The following ADGRL3 variants were observed in gnomAD, a reference collection of about 807,000 sequenced individuals.
ADGRL3 encodes calcium-independent alpha-latrotoxin receptor 3.
In ADGRL3, 62 loss-of-function variants were observed where a neutral mutation model predicts 153.5. The ratio of observed to expected loss-of-function variants is 0.40; its 90% CI spans 0.33 to 0.50. The LOEUF (loss-of-function observed/expected upper bound fraction) is 0.50. Among genes scored for constraint, ADGRL3 ranks in the 20% least tolerant of loss-of-function variants. The pLI is 0.47. For missense variants in ADGRL3, 1,641 were observed against 1,859.4 expected, an observed-to-expected ratio of 0.88 and a Z score of 2.16; for synonymous variants, 710 against 672.5, an observed-to-expected ratio of 1.06 and a Z score of -0.86.
chr4:61,509,581 T>G (rs2098451898), intron 3 of ADGRL3, among the ~76,000 whole-genome samples: 1 of 152,092 alleles, frequency 6.6e-6, no homozygotes, highest in Non-Finnish European at 1.5e-5. Context: ...ATTTCATTAT[T>G]TTTTATGGCT....
chr4:61,592,149 G>A (rs1462130354), intron 5 of ADGRL3, among the ~76,000 whole-genome samples: 1 of 151,306 alleles, frequency 6.6e-6, no homozygotes, highest in Admixed American at 6.6e-5. Flanking sequence ...CATATCAATA[G>A]CACTGAAGGT....
At chr4:61,310,838 G>A (rs187557288) in intron 1 of ADGRL3, among the ~76,000 whole-genome samples, 1 of 151,262 alleles carries the variant, frequency 6.6e-6, no homozygotes, top group East Asian at 2.0e-4. Context: ...CTGAGTGCTT[G>A]TGGACCCTAT....
chr4:61,795,848 C>CT (rs754736111), intron 8 of ADGRL3, among the ~76,000 whole-genome samples: 11 of 152,138 alleles, frequency 7.2e-5, no homozygotes, highest in Non-Finnish European at 1.5e-4. Flanking sequence ...TATCCTACTT[C>CT]TTTTTGTTTC....
intron 23 of ADGRL3, among the ~76,000 whole-genome samples, chr4:62,034,197 A>T (rs962855682): frequency 2.6e-5 from 4 of 151,822 alleles, no homozygotes; most frequent in Admixed American, 1.3e-4. Context: ...AGCCAAATTC[A>T]TCCAGCTGCC....
chr4:61,641,064 C>T (rs2093644130), intron 5 of ADGRL3, among the ~76,000 whole-genome samples: 1 of 151,930 alleles, frequency 6.6e-6, no homozygotes, highest in Admixed American at 6.6e-5. Flanking sequence ...ATGCTGTGGT[C>T]ATTAAAGGAT....
intron 6 of ADGRL3, among the ~76,000 whole-genome samples, chr4:61,685,554 A>G (rs2095427204): frequency 6.6e-6 from 1 of 152,076 alleles, no homozygotes; most frequent in African/African-American, 2.4e-5. Flanking sequence ...AGATAGGCCA[A>G]GAGTCTGGGG....
intron 4 of ADGRL3, among the ~76,000 whole-genome samples, chr4:61,550,172 T>C (rs1466344290): frequency 1.3e-5 from 2 of 149,700 alleles, no homozygotes; most frequent in Non-Finnish European, 2.9e-5. Flanking sequence ...AAGATTTATT[T>C]AATTCAGATA....
At chr4:61,781,755 G>C (rs951404002) in intron 8 of ADGRL3, among the ~76,000 whole-genome samples, 2 of 152,172 alleles carry the variant, frequency 1.3e-5, no homozygotes, top group African/African-American at 4.8e-5. Context: ...GCCTTGGGAA[G>C]TGTAAGCATT....
intron 5 of ADGRL3, among the ~76,000 whole-genome samples, chr4:61,605,682 A>G (rs2099029871): frequency 6.6e-6 from 1 of 152,214 alleles, no homozygotes; most frequent in Non-Finnish European, 1.5e-5. Context: ...TGGCAATAAT[A>G]TTACCTTGAT....
intron 17 of ADGRL3, among the ~76,000 whole-genome samples, chr4:61,960,161 T>C (rs1190472338): frequency 2.0e-5 from 3 of 152,196 alleles, no homozygotes; most frequent in Admixed American, 2.0e-4. Context: ...CTGAACACTC[T>C]TGTCATAATA....
intron 4 of ADGRL3, among the ~76,000 whole-genome samples, chr4:61,563,957 C>T (rs762446195): frequency 3.9e-5 from 6 of 151,970 alleles, no homozygotes; most frequent in Admixed American, 2.0e-4. Flanking sequence ...TGCAGTGAGC[C>T]GAGATGGCAC....
chr4:61,704,832 C>A (rs1365566006), intron 6 of ADGRL3, among the ~76,000 whole-genome samples: 1 of 152,194 alleles, frequency 6.6e-6, no homozygotes, highest in Non-Finnish European at 1.5e-5. Context: ...ACTCAAAGAA[C>A]CACTTTCATT....
chr4:61,455,795 G>A (rs981879438), intron 2 of ADGRL3, among the ~76,000 whole-genome samples: 4 of 151,806 alleles, frequency 2.6e-5, no homozygotes, highest in African/African-American at 9.7e-5. Flanking sequence ...AATGTTCTCA[G>A]AGAATAATCC....
chr4:61,308,826 G>A (rs572156764), intron 1 of ADGRL3, among the ~76,000 whole-genome samples: 2 of 152,292 alleles, frequency 1.3e-5, no homozygotes, highest in South Asian at 2.1e-4. Context: ...TGAAGGTCAT[G>A]AAGTTAAAGA....
At chr4:61,956,753 A>G (rs1248085286) in intron 17 of ADGRL3, among the ~76,000 whole-genome samples, 1 of 152,174 alleles carries the variant, frequency 6.6e-6, no homozygotes. Flanking sequence ...TTTTCTGCAT[A>G]TGGCTAGTCA....
At chr4:62,013,672 G>A (rs1020047836) in intron 21 of ADGRL3, among the ~76,000 whole-genome samples, 6 of 151,950 alleles carry the variant, frequency 3.9e-5, no homozygotes, top group Non-Finnish European at 8.8e-5. Flanking sequence ...GGCGGATCAC[G>A]AGATCAAGAG....
chr4:61,319,188 T>TA (rs2095302402), intron 1 of ADGRL3, among the ~76,000 whole-genome samples: 2 of 152,150 alleles, frequency 1.3e-5, no homozygotes, highest in South Asian at 4.1e-4. Context: ...AAAAATTTGT[T>TA]AGAGATGTAG....
At chr4:61,204,137 T>A (rs566596974) in intron 1 of ADGRL3, among the ~76,000 whole-genome samples, 1 of 152,328 alleles carries the variant, frequency 6.6e-6, no homozygotes, top group Non-Finnish European at 1.5e-5. Context: ...CAGTGTACTT[T>A]ATTTTTAGGT....
Position 61,517,422 on chromosome 4 carries a change from G to A in ADGRL3, c.163G>A (p.Ala55Thr). 1 of 789,670 alleles carries A rather than the reference G, an allele frequency of 1.3e-6. No individual in the cohort carries two copies. Among genetic ancestry groups the A allele is most frequent in the Non-Finnish European group, 2.2e-6 (1 of 464,252 alleles). 48.9% of individuals were successfully genotyped at this position (789,670 alleles called of 1,614,324 possible). ...CAGACATCTGCTTCAGCAGCCAGCT[G>A]CAGAGCGCACCGCTGCTCATCGTGG... ...PPRHLLQQPA[A>T]ERTAAHRGQG... The change falls in exon 4 of 27, where the codon GCA (alanine) becomes ACA (threonine). Residue 55 changes from alanine to threonine, a missense_variant. Coordinates refer to ENST00000683033, the MANE Select transcript of ADGRL3 (RefSeq NM_001387552.1).
Sources: gnomAD v4.1 joint callset for allele counts (sites outside exome capture counted in the v4.1 genomes callset) on GRCh38, gnomAD v4.1.1 for gene constraint, MANE v1.5 for transcripts, NCBI Gene and HGNC (gene_info 2026-07-23, HGNC 2026-07-21) for gene names.